Variants in PSMD6 observed in about 807,000 individuals in gnomAD.
The protein encoded by PSMD6 is 26S proteasome non-ATPase regulatory subunit 6.
A neutral mutation model predicts 44.9 loss-of-function variants in PSMD6; 7 were observed. The observed-to-expected ratio is 0.16, with a 90% CI of 0.09 to 0.29. PSMD6 has a LOEUF of 0.29. PSMD6 is among the 10% of genes least tolerant of loss of function. The pLI, the probability that PSMD6 is intolerant of heterozygous loss-of-function variation, is 1.00. For missense variants in PSMD6, 420 were observed against 482.6 expected, an observed-to-expected ratio of 0.87 and a Z score of 1.21; for synonymous variants, 184 against 172.7, an observed-to-expected ratio of 1.07 and a Z score of -0.51.
chr3:64,012,082 A>C (rs553138954), intron 6 of PSMD6: 5 of 152,300 alleles, frequency 3.3e-5, no homozygotes, highest in African/African-American at 1.2e-4. Flanking sequence ...CATTTAAAAA[A>C]TGTGTTGGTG....
intron 5 of PSMD6, among the ~76,000 whole-genome samples, chr3:64,018,169 C>A (rs1433366664): frequency 6.6e-6 from 1 of 152,130 alleles, no homozygotes; most frequent in Non-Finnish European, 1.5e-5. Flanking sequence ...TAATCTCCAC[C>A]CCAAATCACA....
At chr3:64,015,506 C>T (rs1419715086) in intron 5 of PSMD6, 1 of 152,198 alleles carries the variant, frequency 6.6e-6, no homozygotes, top group Non-Finnish European at 1.5e-5. Flanking sequence ...CTCCTAGGAA[C>T]ACTACCTGTT....
rs1258538258 is a variant in PSMD6 at position 64,010,933 on chromosome 3, C to A, written c.1018G>T (p.Ala340Ser). The A allele has an allele frequency of 1.9e-6, 3 of 1,609,006 alleles. No homozygotes were observed. The African/African-American group carries it at 4.0e-5, about 22-fold the overall frequency. ...IDQELSRFIA[A>S]GRLHCKIDKV... ...TCTATTTTGCAGTGTAGTCTCCCGG[C>A]AGCAATAAACCTGGACAGTTCCCTA... Residue 340 changes from alanine to serine, a missense_variant, in exon 7 of 8, where the codon GCC becomes TCC. Physicochemically the swap from Ala to Ser is moderately conservative, Grantham distance 99. Around this residue, in one of 4 missense-constraint regions of PSMD6, gnomAD observed 63 missense variants for 112.1 expected, o/e 0.56. Coordinates refer to ENST00000295901, the MANE Select transcript of PSMD6 (RefSeq NM_014814.3).
At chr3:64,013,050 C>G (rs1307043076) in intron 6 of PSMD6, 1 of 158,644 alleles carries the variant, frequency 6.3e-6, no homozygotes, top group Non-Finnish European at 1.4e-5. Context: ...ACCAGAATTG[C>G]AGCAGCAACC....
upstream of PSMD6, chr3:64,023,845 AT>A (rs1421103880): frequency 6.8e-7 from 1 of 1,464,030 alleles, no homozygotes; most frequent in Non-Finnish European, 9.2e-7. Context: ...TCTTATTAAA[AT>A]CATCTTCATG....
At chr3:64,013,650 CAGATAA>C in intron 5 of PSMD6, 43 bp from the exon 6 acceptor site, 2 of 1,512,624 alleles carry the variant, frequency 1.3e-6, no homozygotes, top group Non-Finnish European at 1.8e-6. Context: ...CTCTCCGTTT[CAGATAA>C]AAAGATTAAA....
intron 5 of PSMD6, 125 bp from the exon 6 acceptor site, chr3:64,013,732 C>T (rs2075999129): frequency 3.6e-6 from 3 of 823,554 alleles, no homozygotes; most frequent in African/African-American, 1.8e-5. Context: ...TCTCACTGCC[C>T]TTCCACATCA....
chr3:64,022,744 C>T, intron 1 of PSMD6: 2 of 1,536,550 alleles, frequency 1.3e-6, no homozygotes, highest in Non-Finnish European at 1.7e-6. Flanking sequence ...CCAACCTCTA[C>T]TAGGGCTGGA....
intron 1 of PSMD6, 31 bp from the exon 2 acceptor site, chr3:64,022,554 G>T: frequency 6.2e-7 from 1 of 1,611,428 alleles, no homozygotes; most frequent in African/African-American, 1.3e-5. Flanking sequence ...TGTGTGAGTG[G>T]GGACACTTGT....
intron 2 of PSMD6, among the ~76,000 whole-genome samples, chr3:64,021,022 G>A (rs995545940): frequency 6.6e-6 from 1 of 151,798 alleles, no homozygotes; most frequent in East Asian, 1.9e-4. Context: ...CCTGATGGTG[G>A]AGTAAGCTGG....
At position 64,023,358 on chromosome 3, in the gene PSMD6, T is replaced by C; in HGVS notation, c.62A>G (p.Gln21Arg). ...LPKNPDLRIA[Q>R]LRFLLSLPEH... is the part of the protein sequence containing the mutation. The stretch of plus-strand genomic sequence containing the variant: ...GGGCAGGCTGAGCAGGAAGCGCAGC[T>C]GCGCGATACGCAAGTCGGGGTTCTT... Residue 21 changes from glutamine to arginine, a missense_variant, in exon 1 of 8, where the codon CAG (glutamine) becomes CGG (arginine). By Grantham distance (43) the Gln-to-Arg change is conservative. This residue lies in a region of PSMD6 where 136 missense variants were observed against 124.2 expected (regional missense o/e 1.09). Transcript: ENST00000295901. The C allele has an allele frequency of 6.2e-7, 1 of 1,611,818 alleles. No individual in the cohort carries two copies. Among genetic ancestry groups the C allele is most frequent in the African/African-American group, 1.3e-5 (1 of 74,990 alleles).
At chr3:64,015,252 A>ATATCTCTGGAGGGCAACAG (rs2076024571) in intron 5 of PSMD6, 2 of 152,240 alleles carry the variant, frequency 1.3e-5, no homozygotes, top group Admixed American at 1.3e-4. Context: ...GTAAACTGAC[A>ATATCTCTGGAGGGCAACAG]TATCTCTGGA....
chr3:64,023,657 A>G, upstream of PSMD6: 1 of 1,452,454 alleles, frequency 6.9e-7, no homozygotes, highest in Non-Finnish European at 9.0e-7. Flanking sequence ...GGAGTCCCAG[A>G]GTGGGTGCAG....
intron 5 of PSMD6, 89 bp downstream of exon 5, chr3:64,018,510 G>A (rs1223778786): frequency 3.2e-6 from 3 of 943,226 alleles, no homozygotes; most frequent in Non-Finnish European, 4.9e-6. Flanking sequence ...ACATTTCTCA[G>A]ATAGGTGAAA....
Position 64,023,486 on chromosome 3 carries a change from G to A in PSMD6, c.-67C>T. The A allele has an allele frequency of 6.7e-7, 1 of 1,485,920 alleles. No homozygotes were observed. The highest frequency in any genetic ancestry group is 9.0e-7 in the Non-Finnish European group (1 of 1,111,112). 92.0% of individuals were successfully genotyped at this position (1,485,920 alleles called of 1,614,324 possible). ...ACGACCGGCTGCGGCAGCGGAAGCG[G>A]GAGGAGTCGGCGAATACGCCCGGCC... On this transcript the variant is annotated 5_prime_UTR_variant, in exon 1 of 8. Transcript: ENST00000295901.
chr3:64,018,742 T>C, intron 4 of PSMD6, 35 bp from the exon 5 acceptor site: 1 of 1,474,216 alleles, frequency 6.8e-7, no homozygotes, highest in Non-Finnish European at 9.3e-7. Context: ...ACAAAAAAAA[T>C]GTACATTTTA....
At chr3:64,022,672 G>T in intron 1 of PSMD6, 149 bp from the exon 2 acceptor site, 1 of 1,539,078 alleles carries the variant, frequency 6.5e-7, no homozygotes, top group Non-Finnish European at 8.7e-7. Flanking sequence ...CTTAATAATC[G>T]GCTTGGCAAA....
upstream of PSMD6, chr3:64,023,940 T>C: frequency 1.1e-6 from 1 of 901,968 alleles, no homozygotes. Flanking sequence ...ACCAAGGTCA[T>C]GTAACAGCCA....
intron 1 of PSMD6, chr3:64,022,784 G>C: frequency 6.5e-7 from 1 of 1,536,202 alleles, no homozygotes; most frequent in South Asian, 1.2e-5. Flanking sequence ...TGCTCTTGCC[G>C]GATTCTGTTC....
Sources: gnomAD v4.1 joint callset for allele counts (sites outside exome capture counted in the v4.1 genomes callset) on GRCh38, gnomAD v4.1.1 for gene constraint, gnomAD v4.1.1 regional missense constraint, MANE v1.5 for transcripts, NCBI Gene and HGNC (gene_info 2026-07-23, HGNC 2026-07-21) for gene names.